The following QSER1 variants were observed in gnomAD, a reference collection of about 807,000 sequenced individuals.
QSER1 encodes the protein glutamine and serine rich 1, also known as glutamine and serine-rich protein 1.
In QSER1, 49 loss-of-function variants were observed where a neutral mutation model predicts 158.5. That is an observed-to-expected ratio of 0.31 (90% CI 0.25 to 0.39). The LOEUF (loss-of-function observed/expected upper bound fraction) is 0.39, where lower values mean the gene tolerates loss of function less well. QSER1 is among the 10% of genes least tolerant of loss of function. The pLI is 1.00. For missense variants in QSER1, 1,754 were observed against 2,010.3 expected, an observed-to-expected ratio of 0.87 and a Z score of 2.44; for synonymous variants, 650 against 715.5, an observed-to-expected ratio of 0.91 and a Z score of 1.46.
At chr11:32,902,758 A>G (rs1261515782) in intron 1 of QSER1, among the ~76,000 whole-genome samples, 1 of 152,226 alleles carries the variant, frequency 6.6e-6, no homozygotes, top group South Asian at 2.1e-4. Context: ...AGTGTCTATT[A>G]CATGCCTACT....
intron 1 of QSER1, among the ~76,000 whole-genome samples, chr11:32,898,481 G>GTC (rs1179739121): frequency 1.0e-4 from 10 of 97,236 alleles, no homozygotes; most frequent in Admixed American, 1.3e-4. Context: ...GTGAGAACCT[G>GTC]TCACACACAC....
intron 1 of QSER1, among the ~76,000 whole-genome samples, chr11:32,912,403 T>G (rs546875132): frequency 6.6e-6 from 1 of 152,184 alleles, no homozygotes; most frequent in Admixed American, 6.5e-5. Flanking sequence ...TGCAGTAGGA[T>G]CTTGGCCTTC....
At chr11:32,956,972 T>C (rs1852524701) in intron 7 of QSER1, among the ~76,000 whole-genome samples, 1 of 152,014 alleles carries the variant, frequency 6.6e-6, no homozygotes, top group Non-Finnish European at 1.5e-5. Flanking sequence ...ACCATGTTGC[T>C]CAGGCTGGTC....
At chr11:32,909,919 G>A (rs1350330760) in intron 1 of QSER1, among the ~76,000 whole-genome samples, 1 of 152,114 alleles carries the variant, frequency 6.6e-6, no homozygotes, top group Non-Finnish European at 1.5e-5. Flanking sequence ...GTAGCAGGTA[G>A]CTATGTTTAA....
At chr11:32,914,285 C>T (rs1454518884) in intron 1 of QSER1, among the ~76,000 whole-genome samples, 1 of 152,178 alleles carries the variant, frequency 6.6e-6, no homozygotes, top group African/African-American at 2.4e-5. Flanking sequence ...GTACTTTGCT[C>T]AAAGTCTTGT....
At chr11:32,904,601 C>CTTTTT (rs61491135) in intron 1 of QSER1, among the ~76,000 whole-genome samples, 12 of 114,368 alleles carry the variant, frequency 1.0e-4, no homozygotes, top group African/African-American at 2.7e-4. Context: ...CATATCCACT[C>CTTTTT]TTTTTTTTTT....
Position 32,934,203 on chromosome 11 carries a change from A to G in QSER1, c.2945A>G (p.Asp982Gly). The G allele has an allele frequency of 6.2e-7, 1 of 1,613,928 alleles. No homozygotes were observed. Among genetic ancestry groups the G allele is most frequent in the Non-Finnish European group, 8.5e-7 (1 of 1,179,944 alleles). ...DERNILSNVD[D>G]ILAATAAACG... ...AGAAATATTTTATCAAATGTAGATG[A>G]TATCTTAGCAGCTACAGCAGCAGCT... Residue 982 changes from aspartate (D) to glycine (G), a missense_variant, in exon 4 of 13, where the codon GAT becomes GGT. By Grantham distance (94) the Asp-to-Gly change is moderately conservative (BLOSUM62 -1). Coordinates refer to ENST00000650167, the MANE Select transcript of QSER1 (RefSeq NM_001076786.3).
At chr11:32,968,477 C>A (rs1852789612) in intron 9 of QSER1, among the ~76,000 whole-genome samples, 2 of 152,108 alleles carry the variant, frequency 1.3e-5, no homozygotes, top group Non-Finnish European at 2.9e-5. Context: ...GAATAGGAAT[C>A]TTTGTCATAA....
chr11:32,941,850 A>C (rs1462168977), intron 4 of QSER1, among the ~76,000 whole-genome samples: 1 of 151,756 alleles, frequency 6.6e-6, no homozygotes, highest in Non-Finnish European at 1.5e-5. Flanking sequence ...TCCCACCAAC[A>C]GTGTAAAAGT....
chr11:32,959,776 T>A (rs1852588437), intron 8 of QSER1, among the ~76,000 whole-genome samples: 1 of 152,180 alleles, frequency 6.6e-6, no homozygotes. Context: ...TATTTTTTAT[T>A]TTTTGAGTCA....
intron 7 of QSER1, 69 bp downstream of exon 7, chr11:32,956,190 A>ATAATTAATATTAATAATATT (rs1385897757): frequency 1.8e-5 from 24 of 1,322,942 alleles, no homozygotes; most frequent in Non-Finnish European, 2.5e-5. Context: ...CCAATGTACA[A>ATAATTAATATTAATAATATT]AGGAGCATAT....
Position 32,979,025 on chromosome 11 carries a change from T to C in QSER1, c.*2551T>C, listed in dbSNP as rs1853027325. ...GGCTATATGGTAAACCTGTACAGCATGTTACTGTACTGAATACTGTAGGCA... is the reference window on the plus strand; with the variant it reads ...GGCTATATGGTAAACCTGTACAGCACGTTACTGTACTGAATACTGTAGGCA... On this transcript the variant is annotated 3_prime_UTR_variant, in exon 13 of 13. Coordinates refer to ENST00000650167, the MANE Select transcript of QSER1 (RefSeq NM_001076786.3). 6.6e-6 allele frequency: 1 copy of C among 152,240 alleles called. No homozygotes were observed. The highest frequency in any genetic ancestry group is 2.4e-5 in the African/African-American group (1 of 41,460). 9.4% of individuals were successfully genotyped at this position (152,240 alleles called of 1,614,324 possible). A position where few individuals can be genotyped will look rare whatever the true frequency, so the allele number is the denominator to read the frequency against.
At chr11:32,947,409 AAT>A (rs1363609310) in intron 4 of QSER1, among the ~76,000 whole-genome samples, 1 of 152,220 alleles carries the variant, frequency 6.6e-6, no homozygotes, top group Non-Finnish European at 1.5e-5. Context: ...AGATTTCATT[AAT>A]AGTGTTCAAA....
At chr11:32,968,293 G>A (rs1434446764) in intron 9 of QSER1, among the ~76,000 whole-genome samples, 2 of 151,980 alleles carry the variant, frequency 1.3e-5, no homozygotes, top group Admixed American at 1.3e-4. Context: ...TTTTCAGAAG[G>A]TTATTAGAGG....
chr11:32,931,653 A>G, intron 3 of QSER1, 90 bp from the exon 4 acceptor site: 1 of 1,019,708 alleles, frequency 9.8e-7, no homozygotes, highest in Non-Finnish European at 1.4e-6. Flanking sequence ...AGACATTTTG[A>G]TGAGTTGAGG....
intron 4 of QSER1, among the ~76,000 whole-genome samples, chr11:32,945,444 G>T (rs1432675235): frequency 7.9e-5 from 12 of 151,370 alleles, no homozygotes; most frequent in East Asian, 5.8e-4. Context: ...GGTGACAAAA[G>T]CTCTCAGCAT....
rs201150175 is a variant in QSER1 at position 32,958,098 on chromosome 11, G to A, written c.4969+12G>A. 101 of 1,596,282 alleles carry A rather than the reference G, an allele frequency of 6.3e-5. No homozygotes were observed. The highest frequency in any genetic ancestry group is 3.5e-4 in the African/African-American group (26 of 74,648). On this transcript the variant is annotated intron_variant, in intron 8 of 12. Coordinates refer to ENST00000650167, the MANE Select transcript of QSER1 (RefSeq NM_001076786.3). Reference sequence around the variant, plus strand: ...TAGTGACGATGAGGGTGAGTTTTCCGTGAAATGGCTACCCTGATAACTTTA... The same window carrying A: ...TAGTGACGATGAGGGTGAGTTTTCCATGAAATGGCTACCCTGATAACTTTA...
At chr11:32,915,515 G>C (rs926255002) in intron 1 of QSER1, among the ~76,000 whole-genome samples, 4 of 152,112 alleles carry the variant, frequency 2.6e-5, no homozygotes, top group Non-Finnish European at 4.4e-5. Flanking sequence ...GGGCTATGCT[G>C]GGCCACAGTA....
At chr11:32,897,529 T>C (rs1200524590) in intron 1 of QSER1, among the ~76,000 whole-genome samples, 1 of 152,256 alleles carries the variant, frequency 6.6e-6, no homozygotes, top group East Asian at 1.9e-4. Flanking sequence ...CCTACTTTTC[T>C]GGCCCAACGC....
Sources: allele counts gnomAD v4.1 joint callset (sites outside exome capture counted in the v4.1 genomes callset), GRCh38; gene constraint gnomAD v4.1.1; transcripts MANE v1.5; gene names NCBI Gene and HGNC (gene_info 2026-07-23, HGNC 2026-07-21).